Variants in PHKB observed in about 807,000 individuals in gnomAD.
The protein encoded by PHKB is phosphorylase b kinase regulatory subunit beta.
In PHKB, 122 loss-of-function variants were observed where a neutral mutation model predicts 152.1. That is an observed-to-expected ratio of 0.80 (90% CI 0.69 to 0.93). The LOEUF (loss-of-function observed/expected upper bound fraction) is 0.93. PHKB is among the 40% of genes least tolerant of loss of function. PHKB has a pLI of 0.00. For synonymous variants in PHKB, 436 were observed against 464.9 expected (o/e 0.94, Z 0.80); for missense variants, 1,304 against 1,328.4 (o/e 0.98, Z 0.29).
chr16:47,593,114 G>A (rs962805608), intron 10 of PHKB, among the ~76,000 whole-genome samples: 2 of 149,978 alleles, frequency 1.3e-5, no homozygotes, highest in East Asian at 2.0e-4. Flanking sequence ...GAAAAAGAGG[G>A]GGGGGAGGGA....
At chr16:47,467,758 A>G (rs1451071512) in intron 1 of PHKB, among the ~76,000 whole-genome samples, 1 of 152,224 alleles carries the variant, frequency 6.6e-6, no homozygotes, top group Non-Finnish European at 1.5e-5. Flanking sequence ...GAAGAGCACA[A>G]CAGCTTGTCT....
At chr16:47,645,344 T>G (rs1307439353) in intron 16 of PHKB, among the ~76,000 whole-genome samples, 1 of 126,130 alleles carries the variant, frequency 7.9e-6, no homozygotes, top group African/African-American at 3.1e-5. Context: ...TTTATGGTTT[T>G]AGGTCTAACG....
intron 14 of PHKB, among the ~76,000 whole-genome samples, chr16:47,633,972 A>G (rs1033869090): frequency 9.2e-5 from 14 of 152,192 alleles, no homozygotes; most frequent in Non-Finnish European, 2.1e-4. Flanking sequence ...ATCGCAGACA[A>G]TGGGCAAAGG....
chr16:47,541,362 T>C (rs964950686), intron 6 of PHKB, among the ~76,000 whole-genome samples: 3 of 152,216 alleles, frequency 2.0e-5, no homozygotes, highest in African/African-American at 7.2e-5. Context: ...TTCCATGGTG[T>C]ATATGTGCCA....
chr16:47,693,248 G>A lies in PHKB; in HGVS notation c.2766-130G>A, dbSNP rs1974092984. 3.6e-6 allele frequency: 3 copies of A among 837,672 alleles called. No homozygotes were observed. In the East Asian group the frequency reaches 7.6e-5, roughly 21 times the overall value. 51.9% of individuals were successfully genotyped at this position (837,672 alleles called of 1,614,324 possible). ...TTTACTAGCCTCTGTAACACACGGA[G>A]ATATGCATCATTGATGGGCTTTGGC... On this transcript the variant is annotated intron_variant, in intron 27 of 30. Coordinates refer to ENST00000323584, the MANE Select transcript of PHKB (RefSeq NM_000293.3).
intron 7 of PHKB, among the ~76,000 whole-genome samples, chr16:47,556,026 TC>T (rs1971362921): frequency 6.6e-6 from 1 of 152,218 alleles, no homozygotes; most frequent in Admixed American, 6.5e-5. Flanking sequence ...TATTTTATTC[TC>T]TTTGAAGCCA....
At chr16:47,478,493 ACCTG>A (rs1969908789) in intron 1 of PHKB, among the ~76,000 whole-genome samples, 1 of 76,094 alleles carries the variant, frequency 1.3e-5, no homozygotes, top group African/African-American at 6.7e-5. Context: ...TTTTTGCTTT[ACCTG>A]AAAAAAAGAA....
At chr16:47,687,301 T>C (rs1973981861) in intron 26 of PHKB, among the ~76,000 whole-genome samples, 7 of 152,264 alleles carry the variant, frequency 4.6e-5, no homozygotes, top group Admixed American at 4.6e-4. Context: ...AACTAAAATG[T>C]TGCTGTAATA....
At chr16:47,593,135 GAGAA>G (rs1238361372) in intron 10 of PHKB, among the ~76,000 whole-genome samples, 3 of 146,436 alleles carry the variant, frequency 2.0e-5, no homozygotes, top group Admixed American at 1.4e-4. Flanking sequence ...GAGAGAGAGA[GAGAA>G]AGGAAGGAAG....
At chr16:47,542,654 T>A (rs1971081253) in intron 6 of PHKB, among the ~76,000 whole-genome samples, 1 of 152,220 alleles carries the variant, frequency 6.6e-6, no homozygotes, top group Admixed American at 6.5e-5. Context: ...CCTCCATTTA[T>A]TTGTGTCCTC....
chr16:47,524,667 A>G (rs1431390722), intron 6 of PHKB, among the ~76,000 whole-genome samples: 2 of 152,176 alleles, frequency 1.3e-5, no homozygotes, highest in African/African-American at 4.8e-5. Flanking sequence ...GTATCTGTGT[A>G]TTTTGAATCA....
At chr16:47,695,901 C>T (rs1418524585) in intron 28 of PHKB, among the ~76,000 whole-genome samples, 3 of 151,418 alleles carry the variant, frequency 2.0e-5, no homozygotes, top group Non-Finnish European at 4.4e-5. Flanking sequence ...TTTCCTGTTT[C>T]CTTCCCAGTT....
At chr16:47,519,986 A>T (rs985312806) in intron 6 of PHKB, among the ~76,000 whole-genome samples, 4 of 151,646 alleles carry the variant, frequency 2.6e-5, no homozygotes, top group Admixed American at 2.0e-4. Flanking sequence ...AAAATATTAA[A>T]TTTTTTTTCT....
At chr16:47,677,273 G>A (rs1164696187) in intron 26 of PHKB, among the ~76,000 whole-genome samples, 1 of 152,146 alleles carries the variant, frequency 6.6e-6, no homozygotes, top group Non-Finnish European at 1.5e-5. Context: ...TCACCAAACA[G>A]ATAGCTCAGT....
intron 13 of PHKB, chr16:47,597,944 A>C (rs1473731844): frequency 6.6e-6 from 1 of 151,850 alleles, no homozygotes; most frequent in Non-Finnish European, 1.5e-5. Context: ...TTAAGTACCA[A>C]GTCAATTTCT....
At chr16:47,499,070 AT>A (rs1970280033) in intron 2 of PHKB, among the ~76,000 whole-genome samples, 1 of 152,250 alleles carries the variant, frequency 6.6e-6, no homozygotes, top group South Asian at 2.1e-4. Flanking sequence ...ATAATAAAAT[AT>A]TAATTTCAGA....
At chr16:47,570,746 T>C (rs986931685) in intron 7 of PHKB, among the ~76,000 whole-genome samples, 1 of 152,060 alleles carries the variant, frequency 6.6e-6, no homozygotes, top group African/African-American at 2.4e-5. Context: ...AGTAACTTTA[T>C]AATGAATATT....
intron 7 of PHKB, among the ~76,000 whole-genome samples, chr16:47,563,957 A>G (rs866979386): frequency 6.9e-5 from 10 of 144,786 alleles, no homozygotes; most frequent in Admixed American, 2.8e-4. Context: ...AAGGCCCCCA[A>G]TTGCATCCAG....
rs539792633 is a variant in PHKB, at chr16:47,517,726, G to A, written c.594+2125G>A. On this transcript the variant is annotated intron_variant, in intron 6 of 30. Coordinates refer to ENST00000323584, the MANE Select transcript of PHKB (RefSeq NM_000293.3). ...GCTTATGTAAGCTTTAAAATTTTTG[G>A]ATAGTTCCTTACCTTCTTAAACTGC... Among the ~76,000 whole-genome samples, 12 of 151,956 alleles carry A rather than the reference G, an allele frequency of 7.9e-5. No homozygotes were observed. In the East Asian group the frequency reaches 2.3e-3, roughly 29 times the overall value.
Sources: gnomAD v4.1 joint callset for allele counts (sites outside exome capture counted in the v4.1 genomes callset) on GRCh38, gnomAD v4.1.1 for gene constraint, MANE v1.5 for transcripts, NCBI Gene and HGNC (gene_info 2026-07-23, HGNC 2026-07-21) for gene names.